RPRD1B: variants seen among roughly 807,000 people sequenced by gnomAD.
The protein encoded by RPRD1B is regulation of nuclear pre-mRNA domain-containing protein 1B.
A neutral mutation model predicts 41.5 loss-of-function variants in RPRD1B; 11 were observed. That is an observed-to-expected ratio of 0.27 (90% CI 0.17 to 0.44). RPRD1B has a LOEUF of 0.44. Among genes scored for constraint, RPRD1B ranks in the 20% least tolerant of loss-of-function variants. RPRD1B has a pLI of 1.00. For missense variants in RPRD1B, 248 were observed against 389.9 expected, an observed-to-expected ratio of 0.64 and a Z score of 3.06; for synonymous variants, 158 against 155.6, an observed-to-expected ratio of 1.02 and a Z score of -0.12.
intron 1 of RPRD1B, among the ~76,000 whole-genome samples, chr20:38,035,009 C>A (rs1307185446): frequency 1.3e-5 from 2 of 152,168 alleles, no homozygotes; most frequent in Non-Finnish European, 2.9e-5. Flanking sequence ...TCTTTACATA[C>A]ATTGCCATTA....
chr20:38,039,212 T>C (rs566694839), intron 1 of RPRD1B, among the ~76,000 whole-genome samples: 3 of 152,330 alleles, frequency 2.0e-5, no homozygotes, highest in South Asian at 2.1e-4. Context: ...GAGAGAATTA[T>C]GGTTTTTGTG....
At chr20:38,071,378 C>T (rs866863903) in intron 6 of RPRD1B, among the ~76,000 whole-genome samples, 2 of 152,220 alleles carry the variant, frequency 1.3e-5, no homozygotes, top group Non-Finnish European at 2.9e-5. Context: ...ATCAGTACTT[C>T]ATCTCTTTTA....
intron 3 of RPRD1B, among the ~76,000 whole-genome samples, chr20:38,053,540 A>C (rs2074210483): frequency 6.6e-6 from 1 of 152,216 alleles, no homozygotes; most frequent in African/African-American, 2.4e-5. Context: ...AGGTGCTTTA[A>C]GAGAGGCCCG....
intron 1 of RPRD1B, among the ~76,000 whole-genome samples, chr20:38,034,713 C>T (rs1215527912): frequency 6.6e-6 from 1 of 152,168 alleles, no homozygotes; most frequent in Non-Finnish European, 1.5e-5. Context: ...AAGGGGCCAC[C>T]CAGACCTTAC....
At chr20:38,084,709 A>G (rs2074544868) in intron 6 of RPRD1B, among the ~76,000 whole-genome samples, 1 of 152,220 alleles carries the variant, frequency 6.6e-6, no homozygotes, top group African/African-American at 2.4e-5. Flanking sequence ...ATCCACAGGA[A>G]GCAGGGAAAT....
chr20:38,065,110 A>G (rs749694569), intron 5 of RPRD1B, among the ~76,000 whole-genome samples: 21 of 152,234 alleles, frequency 1.4e-4, no homozygotes, highest in Non-Finnish European at 2.8e-4. Flanking sequence ...GGTCATGTTC[A>G]GAAACATTTA....
intron 6 of RPRD1B, among the ~76,000 whole-genome samples, chr20:38,079,017 G>A (rs543819736): frequency 6.6e-6 from 1 of 152,180 alleles, no homozygotes; most frequent in South Asian, 2.1e-4. Flanking sequence ...TTATAAATCA[G>A]GAAGATTAAG....
At chr20:38,064,504 C>T (rs1223334919) in intron 5 of RPRD1B, among the ~76,000 whole-genome samples, 1 of 152,336 alleles carries the variant, frequency 6.6e-6, no homozygotes, top group Admixed American at 6.5e-5. Flanking sequence ...AAGCACCAAC[C>T]TACTCTTTTG....
chr20:38,064,677 C>G (rs1164716553), intron 5 of RPRD1B, among the ~76,000 whole-genome samples: 1 of 152,138 alleles, frequency 6.6e-6, no homozygotes, highest in Non-Finnish European at 1.5e-5. Flanking sequence ...CCCAAAAATA[C>G]CCTTTCTTAA....
chr20:38,066,282 A>G (rs2074354875), intron 6 of RPRD1B, 26 bp downstream of exon 6: 3 of 1,603,106 alleles, frequency 1.9e-6, no homozygotes, highest in Admixed American at 1.7e-5. Flanking sequence ...GCAGACCCAG[A>G]CTGCCCACGT....
At chr20:38,062,797 G>A (rs1185311033) in intron 5 of RPRD1B, among the ~76,000 whole-genome samples, 6 of 111,264 alleles carry the variant, frequency 5.4e-5, no homozygotes, top group Admixed American at 9.2e-5. Context: ...ACACCCCCAC[G>A]ACTCCCCCCA....
intron 2 of RPRD1B, 106 bp from the exon 3 acceptor site, chr20:38,048,242 A>G (rs968930678): frequency 1.7e-6 from 2 of 1,185,660 alleles, no homozygotes; most frequent in South Asian, 2.0e-5. Context: ...TTAAATGTGT[A>G]AATCATTTAG....
In RPRD1B at chr20:38,092,292, G is replaced by A. The variant is rs898347782; in HGVS notation, c.*2417G>A. On this transcript the variant is annotated 3_prime_UTR_variant, in exon 7 of 7. Coordinates refer to ENST00000373433, the MANE Select transcript of RPRD1B (RefSeq NM_021215.4). The stretch of plus-strand genomic sequence containing the variant: ...GGACTATTTAGAAGTATAGGCTGTC[G>A]TTGGCGGCAGCAGTATATTCTGAAA... 28 of 984,932 alleles carry A rather than the reference G, an allele frequency of 2.8e-5. No individual in the cohort carries two copies. The highest frequency in any genetic ancestry group is 2.8e-5 in the Non-Finnish European group (23 of 829,306). 61.0% of individuals were successfully genotyped at this position (984,932 alleles called of 1,614,324 possible). A position where few individuals can be genotyped will look rare whatever the true frequency, so the allele number is the denominator to read the frequency against.
In RPRD1B at chr20:38,059,259, G is replaced by T. The variant is rs927679512; in HGVS notation, c.529-135G>T. ...CATTGACTTACATGTAAGCTCTGGG[G>T]CTAAGAACAGTTTTTTTTAAGAAAT... On this transcript the variant is annotated intron_variant, in intron 4 of 6. Transcript: ENST00000373433. The T allele has an allele frequency of 4.6e-6, 4 of 866,922 alleles. No individual in the cohort carries two copies. In the African/African-American group the frequency reaches 5.2e-5, roughly 11 times the overall value. The allele number at this position is 866,922 out of a possible 1,614,324, so 53.7% of individuals were successfully genotyped here.
At chr20:38,064,527 C>A (rs1378696136) in intron 5 of RPRD1B, among the ~76,000 whole-genome samples, 2 of 152,180 alleles carry the variant, frequency 1.3e-5, no homozygotes, top group East Asian at 3.8e-4. Context: ...TCATTCAGGT[C>A]TTTTAAAAAT....
intron 6 of RPRD1B, among the ~76,000 whole-genome samples, chr20:38,081,810 AAATG>A (rs2074515257): frequency 6.6e-6 from 1 of 152,180 alleles, no homozygotes; most frequent in South Asian, 2.1e-4. Flanking sequence ...TTGAAATTTG[AAATG>A]ATGATGAAGT....
intron 6 of RPRD1B, among the ~76,000 whole-genome samples, chr20:38,068,100 G>C (rs115773431): frequency 4.6e-5 from 7 of 152,344 alleles, no homozygotes; most frequent in Admixed American, 3.3e-4. Flanking sequence ...TGTAGAACTA[G>C]TGGTTTGCTG....
At chr20:38,084,264 G>GGGGCCTT (rs1373913976) in intron 6 of RPRD1B, among the ~76,000 whole-genome samples, 1 of 152,066 alleles carries the variant, frequency 6.6e-6, no homozygotes, top group Non-Finnish European at 1.5e-5. Flanking sequence ...CTTTAAAAGA[G>GGGGCCTT]GGGCCTTCGT....
At position 38,087,826 on chromosome 20, in the gene RPRD1B, T is replaced by A. The variant is rs139565455; in HGVS notation, c.832-1900T>A. On this transcript the variant is annotated intron_variant, in intron 6 of 6. Transcript: ENST00000373433. ...CCAAAGTCTGAGTCTCAGGAGCTAC[T>A]TCATGTGGTATGCTTTTACCTGATG... is the stretch of plus-strand genomic sequence containing the variant. Among the ~76,000 whole-genome samples the A allele has an allele frequency of 4.6e-3, 701 of 152,332 alleles. 4 individuals are homozygous for A. The highest frequency in any genetic ancestry group is 0.016 in the African/African-American group (645 of 41,574).
Sources: allele counts gnomAD v4.1 joint callset (sites outside exome capture counted in the v4.1 genomes callset), GRCh38; gene constraint gnomAD v4.1.1; transcripts MANE v1.5; gene names NCBI Gene and HGNC (gene_info 2026-07-23, HGNC 2026-07-21).